NHSL1: variants seen among roughly 807,000 people sequenced by gnomAD.
NHSL1 encodes NHS like 1, also known as NHS-like protein 1.
NHSL1 carries 48 observed loss-of-function variants against 95.0 expected under a neutral mutation model. That is an observed-to-expected ratio of 0.51 (90% CI 0.40 to 0.64). NHSL1 has a LOEUF of 0.64. NHSL1 is among the 30% of genes least tolerant of loss of function. The pLI, the probability that NHSL1 is intolerant of heterozygous loss-of-function variation, is 0.00. For synonymous variants in NHSL1, 783 were observed against 833.9 expected (o/e 0.94, Z 1.05); for missense variants, 1,971 against 2,077.7 (o/e 0.95, Z 1.00).
At chr6:138,580,739 T>C (rs1349101364) in intron 1 of NHSL1, among the ~76,000 whole-genome samples, 1 of 152,188 alleles carries the variant, frequency 6.6e-6, no homozygotes, top group African/African-American at 2.4e-5. Flanking sequence ...AGCCCCACAA[T>C]TACCAATTCT....
chr6:138,558,989 C>A (rs1420285717), intron 1 of NHSL1, among the ~76,000 whole-genome samples: 3 of 151,434 alleles, frequency 2.0e-5, no homozygotes, highest in Admixed American at 6.6e-5. Context: ...GTTCAGGTTA[C>A]AATAACCTAT....
chr6:138,515,212 G>A (rs1427721662), intron 1 of NHSL1, among the ~76,000 whole-genome samples: 1 of 152,148 alleles, frequency 6.6e-6, no homozygotes, highest in Admixed American at 6.5e-5. Context: ...AGTTGACCAT[G>A]GGTAACTGAA....
At chr6:138,491,270 C>T (rs113243410) in intron 2 of NHSL1, among the ~76,000 whole-genome samples, 27 of 152,258 alleles carry the variant, frequency 1.8e-4, no homozygotes, top group African/African-American at 6.0e-4. Flanking sequence ...AACTAAAGTG[C>T]CTGTTAAACA....
At chr6:138,521,787 G>C (rs1781693618) in intron 1 of NHSL1, among the ~76,000 whole-genome samples, 1 of 152,150 alleles carries the variant, frequency 6.6e-6, no homozygotes, top group African/African-American at 2.4e-5. Flanking sequence ...CACCTCATAT[G>C]GGCATGGGGT....
rs1466577518 is a variant in NHSL1, at chr6:138,587,860, G to A, written c.97-91489C>T. 1.7e-4 allele frequency among the ~76,000 whole-genome samples: 26 copies of A among 152,118 alleles called. 1 individual carries two copies. Among genetic ancestry groups the A allele is most frequent in the Non-Finnish European group, 3.2e-4 (22 of 68,010 alleles). Reference sequence around the variant, plus strand: ...CACAACAACAGACACTGCCTCCCACGGTCACCAGGAAAGTTAAGCCAAACA... The same window carrying A: ...CACAACAACAGACACTGCCTCCCACAGTCACCAGGAAAGTTAAGCCAAACA... On this transcript the variant is annotated intron_variant, in intron 1 of 3. Coordinates refer to the NHSL1 transcript ENST00000491526.
At chr6:138,476,363 G>A (rs989459416) in intron 2 of NHSL1, among the ~76,000 whole-genome samples, 1 of 152,176 alleles carries the variant, frequency 6.6e-6, no homozygotes, top group Non-Finnish European at 1.5e-5. Context: ...GACAGAGTTG[G>A]AGGCCATTAT....
intron 3 of NHSL1, among the ~76,000 whole-genome samples, chr6:138,468,139 A>G (rs955628034): frequency 3.3e-5 from 5 of 152,178 alleles, no homozygotes; most frequent in Non-Finnish European, 7.3e-5. Flanking sequence ...AGGCCTTCAC[A>G]TTCACTCACC....
intron 2 of NHSL1, among the ~76,000 whole-genome samples, chr6:138,476,863 G>T (rs1230732871): frequency 2.7e-5 from 4 of 146,922 alleles, no homozygotes; most frequent in African/African-American, 5.0e-5. Flanking sequence ...TGGGTACAAT[G>T]TTCATTGTTT....
chr6:138,525,719 G>A (rs1781876862), intron 1 of NHSL1, among the ~76,000 whole-genome samples: 1 of 152,072 alleles, frequency 6.6e-6, no homozygotes, highest in Non-Finnish European at 1.5e-5. Context: ...AGGGTACATA[G>A]GGGAGTTTTA....
intron 1 of NHSL1, among the ~76,000 whole-genome samples, chr6:138,515,419 A>G (rs1781417713): frequency 6.6e-6 from 1 of 152,158 alleles, no homozygotes; most frequent in African/African-American, 2.4e-5. Context: ...CAAAACAAAG[A>G]CAACTTTCTC....
rs752850100 is a variant in NHSL1, at chr6:138,431,483, A to G, written c.2862T>C (p.Pro954=). 25 of 1,550,198 alleles carry G rather than the reference A, an allele frequency of 1.6e-5. No individual in the cohort carries two copies. Among genetic ancestry groups the G allele is most frequent in the Non-Finnish European group, 2.2e-5 (25 of 1,146,650 alleles). ...ADRSPFLPPP[P]PVTDCSQGSP... is the part of the protein sequence containing the mutation. ...AGCCCTGGGAGCAATCTGTGACAGG[A>G]GGTGGGGGAGGAAGGAAAGGAGACC... Residue 954 remains proline, a synonymous_variant, in exon 6 of 8, where the codon CCT becomes CCC. Transcript: ENST00000343505. The surrounding 1 kb of genome is among the most constrained non-coding windows in gnomAD (Gnocchi z 4.0).
In NHSL1 at chr6:138,658,893, G is replaced by A. The variant is rs192639317; in HGVS notation, c.96+33583C>T. On this transcript the variant is annotated intron_variant, in intron 1 of 3. Transcript: ENST00000491526. The stretch of plus-strand genomic sequence containing the variant: ...TTCTTTTAAATGTATAGTTGTACCC[G>A]TTTCCCCCATACCTATTATGTCCAC... Among the ~76,000 whole-genome samples, 806 of 152,130 alleles carry A rather than the reference G, an allele frequency of 5.3e-3. 5 individuals are homozygous for A. The highest frequency in any genetic ancestry group is 9.4e-3 in the Non-Finnish European group (639 of 67,994).
chr6:138,473,436 G>A lies in NHSL1; in HGVS notation c.212-3C>T, dbSNP rs1307609295. Reference sequence around the variant, plus strand: ...ATCATGCCGCAACTTATCGCATTCTGCAGAGGGGCACGCAGGGAGGGGAAG... The same window carrying A: ...ATCATGCCGCAACTTATCGCATTCTACAGAGGGGCACGCAGGGAGGGGAAG... On this transcript the variant is annotated splice_region_variant and splice_polypyrimidine_tract_variant and intron_variant, in intron 2 of 7. Transcript: ENST00000343505. 3 of 1,458,158 alleles carry A rather than the reference G, an allele frequency of 2.1e-6. No homozygotes were observed. The highest frequency in any genetic ancestry group is 2.8e-5 in the African/African-American group (2 of 70,226). The allele number at this position is 1,458,158 out of a possible 1,614,324, so 90.3% of individuals were successfully genotyped here.
intron 1 of NHSL1, among the ~76,000 whole-genome samples, chr6:138,528,839 CCT>C (rs1386079184): frequency 6.6e-6 from 1 of 152,092 alleles, no homozygotes; most frequent in Non-Finnish European, 1.5e-5. Flanking sequence ...AAAATCAAAT[CCT>C]CTCTTCTCAT....
At chr6:138,623,969 T>G (rs907421232) in intron 1 of NHSL1, among the ~76,000 whole-genome samples, 2 of 152,128 alleles carry the variant, frequency 1.3e-5, no homozygotes, top group Non-Finnish European at 2.9e-5. Flanking sequence ...GCCTGCTGCT[T>G]CTTTGCCTTC....
At chr6:138,446,158 C>T (rs1171737152) in intron 4 of NHSL1, among the ~76,000 whole-genome samples, 1 of 151,938 alleles carries the variant, frequency 6.6e-6, no homozygotes, top group African/African-American at 2.4e-5. Flanking sequence ...CTGCCTCAGA[C>T]TCCAGAGTAG....
At chr6:138,677,958 T>C (rs1785468809) in intron 1 of NHSL1, among the ~76,000 whole-genome samples, 1 of 152,194 alleles carries the variant, frequency 6.6e-6, no homozygotes, top group African/African-American at 2.4e-5. Flanking sequence ...GTCACCATTC[T>C]CTAGGCTGGT....
At chr6:138,532,392 G>A (rs1034757376) in intron 1 of NHSL1, among the ~76,000 whole-genome samples, 4 of 152,122 alleles carry the variant, frequency 2.6e-5, no homozygotes, top group Admixed American at 6.6e-5. Flanking sequence ...TTTTCATTCT[G>A]GATAGAGTTT....
intron 1 of NHSL1, among the ~76,000 whole-genome samples, chr6:138,519,778 C>T (rs1781598980): frequency 1.3e-5 from 2 of 152,170 alleles, no homozygotes; most frequent in African/African-American, 2.4e-5. Flanking sequence ...GCAGTATTTC[C>T]CATTCCCTCC....
Sources: allele counts gnomAD v4.1 joint callset (sites outside exome capture counted in the v4.1 genomes callset), GRCh38; gene constraint gnomAD v4.1.1; non-coding constraint Gnocchi (gnomAD v3.1); transcripts MANE v1.5; gene names NCBI Gene and HGNC (gene_info 2026-07-23, HGNC 2026-07-21).